Variants in SNTG1 observed in about 807,000 individuals in gnomAD.
The protein encoded by SNTG1 is gamma-1-syntrophin.
A neutral mutation model predicts 74.7 loss-of-function variants in SNTG1; 39 were observed. The ratio of observed to expected loss-of-function variants is 0.52; its 90% CI spans 0.40 to 0.68. The LOEUF is 0.68. Among genes scored for constraint, SNTG1 ranks in the 30% least tolerant of loss-of-function variants. The pLI, the probability that SNTG1 is intolerant of heterozygous loss-of-function variation, is 0.00. For missense variants in SNTG1, 685 were observed against 609.5 expected (o/e 1.12, Z -1.30); for synonymous variants, 254 against 217.1 (o/e 1.17, Z -1.49).
intron 1 of SNTG1, among the ~76,000 whole-genome samples, chr8:50,083,815 T>C (rs1822626718): frequency 6.6e-6 from 1 of 152,212 alleles, no homozygotes; most frequent in South Asian, 2.1e-4. Flanking sequence ...TTTTCATTTG[T>C]TCATTTCATC....
chr8:50,539,937 G>A (rs1043115902), intron 11 of SNTG1, among the ~76,000 whole-genome samples: 1 of 152,132 alleles, frequency 6.6e-6, no homozygotes, highest in Non-Finnish European at 1.5e-5. Flanking sequence ...GAGGCTTTAC[G>A]TTTTTAAAAG....
Position 50,275,790 on chromosome 8 carries a change from T to A in SNTG1, c.-28+103155T>A, listed in dbSNP as rs1339625700. ...TCCAGCGACTACTGCTCTAAGTTGA[T>A]CTTGACTGTAAGATTCCCTGCATTT... On this transcript the variant is annotated intron_variant, in intron 2 of 18. Transcript: ENST00000642720. Among the ~76,000 whole-genome samples, 124 of 152,166 alleles carry A rather than the reference T, an allele frequency of 8.1e-4. 4 individuals carry two copies. Among genetic ancestry groups the A allele is most frequent in the Admixed American group, 8.1e-3 (124 of 15,268 alleles).
At chr8:50,414,768 T>C (rs1661542561) in intron 4 of SNTG1, among the ~76,000 whole-genome samples, 1 of 152,054 alleles carries the variant, frequency 6.6e-6, no homozygotes. Context: ...TGTGGGTGTG[T>C]TTGTGGAAAA....
At chr8:50,613,515 T>G (rs1042709241) in intron 13 of SNTG1, among the ~76,000 whole-genome samples, 1 of 152,196 alleles carries the variant, frequency 6.6e-6, no homozygotes, top group African/African-American at 2.4e-5. Flanking sequence ...AAGATACATT[T>G]TAGCTATACT....
At chr8:50,162,568 A>AAAAAAAAAAAG (rs2082459069) in intron 1 of SNTG1, among the ~76,000 whole-genome samples, 1 of 151,112 alleles carries the variant, frequency 6.6e-6, no homozygotes, top group Non-Finnish European at 1.5e-5. Context: ...TCAAAAAAAA[A>AAAAAAAAAAAG]AAAAAAAAAG....
At chr8:49,959,207 C>A (rs756411226) in intron 1 of SNTG1, among the ~76,000 whole-genome samples, 3 of 152,152 alleles carry the variant, frequency 2.0e-5, no homozygotes, top group African/African-American at 7.2e-5. Context: ...GTACGGGTGC[C>A]AAGGGCTTTC....
At chr8:50,284,101 C>T (rs1009796432) in intron 2 of SNTG1, among the ~76,000 whole-genome samples, 1 of 152,076 alleles carries the variant, frequency 6.6e-6, no homozygotes, top group African/African-American at 2.4e-5. Context: ...GTGTCACAGA[C>T]ATTCTTTGGT....
chr8:49,934,608 T>C (rs77701154), intron 1 of SNTG1, among the ~76,000 whole-genome samples: 4,075 of 152,240 alleles, frequency 0.027, 71 homozygotes, highest in Non-Finnish European at 0.042. Context: ...TGTTTAATGA[T>C]AGAGTTTGCT....
At chr8:50,421,833 T>C (rs927816885) in intron 4 of SNTG1, among the ~76,000 whole-genome samples, 1 of 152,110 alleles carries the variant, frequency 6.6e-6, no homozygotes, top group Non-Finnish European at 1.5e-5. Context: ...GAATGAAGAC[T>C]CAACTTTTCA....
intron 1 of SNTG1, among the ~76,000 whole-genome samples, chr8:50,158,367 G>T (rs1163372611): frequency 6.6e-6 from 1 of 152,078 alleles, no homozygotes; most frequent in Non-Finnish European, 1.5e-5. Context: ...TCTTGGGTGG[G>T]TTCTCAAAAC....
At chr8:50,114,971 A>G (rs1181111226) in intron 1 of SNTG1, among the ~76,000 whole-genome samples, 1 of 152,234 alleles carries the variant, frequency 6.6e-6, no homozygotes, top group Non-Finnish European at 1.5e-5. Flanking sequence ...GTTTGCATAT[A>G]TCAAATCATC....
At chr8:50,790,405 A>C (rs2095687586) in intron 18 of SNTG1, among the ~76,000 whole-genome samples, 1 of 151,976 alleles carries the variant, frequency 6.6e-6, no homozygotes, top group African/African-American at 2.4e-5. Flanking sequence ...CATGATGATC[A>C]TAAGACTTTT....
intron 2 of SNTG1, among the ~76,000 whole-genome samples, chr8:50,261,080 A>G (rs1563812674): frequency 6.6e-6 from 1 of 152,206 alleles, no homozygotes; most frequent in African/African-American, 2.4e-5. Context: ...AATACATTGC[A>G]AAAGAACTAC....
intron 4 of SNTG1, among the ~76,000 whole-genome samples, chr8:50,413,250 ATAGATG>A (rs1434466056): frequency 6.6e-6 from 1 of 152,210 alleles, no homozygotes; most frequent in Non-Finnish European, 1.5e-5. Context: ...GAGATGGATG[ATAGATG>A]CATAGAGGCA....
At chr8:50,596,794 A>G (rs1449985331) in intron 13 of SNTG1, among the ~76,000 whole-genome samples, 1 of 152,092 alleles carries the variant, frequency 6.6e-6, no homozygotes, top group Non-Finnish European at 1.5e-5. Context: ...TAATTGAAAC[A>G]TAATAATTGT....
chr8:50,147,051 T>C (rs980912377), intron 1 of SNTG1, among the ~76,000 whole-genome samples: 14 of 152,320 alleles, frequency 9.2e-5, no homozygotes, highest in Non-Finnish European at 1.3e-4. Flanking sequence ...TTTTACCATA[T>C]ATCCTGTTGA....
chr8:50,492,720 A>G (rs2093868561), intron 8 of SNTG1, among the ~76,000 whole-genome samples: 1 of 152,224 alleles, frequency 6.6e-6, no homozygotes. Context: ...TTGGCTGTGC[A>G]GAAGCTCTTT....
chr8:50,525,647 T>C (rs1400254973), intron 9 of SNTG1, among the ~76,000 whole-genome samples: 1 of 152,052 alleles, frequency 6.6e-6, no homozygotes, highest in African/African-American at 2.4e-5. Flanking sequence ...TGATTATCTC[T>C]AGTGAATATT....
intron 2 of SNTG1, among the ~76,000 whole-genome samples, chr8:50,217,379 A>G (rs2084843439): frequency 6.6e-6 from 1 of 152,026 alleles, no homozygotes; most frequent in Admixed American, 6.6e-5. Context: ...CACTATATAT[A>G]TATTATATGT....
Sources: gnomAD v4.1 joint callset for allele counts (sites outside exome capture counted in the v4.1 genomes callset) on GRCh38, gnomAD v4.1.1 for gene constraint, MANE v1.5 for transcripts, NCBI Gene and HGNC (gene_info 2026-07-23, HGNC 2026-07-21) for gene names.